Variants in TACO1 observed in about 807,000 individuals in gnomAD.
TACO1 encodes the protein translational activator of cytochrome c oxidase 1.
In TACO1, 13 loss-of-function variants were observed where a neutral mutation model predicts 24.0. The ratio of observed to expected loss-of-function variants is 0.54; its 90% CI spans 0.35 to 0.86. The LOEUF (loss-of-function observed/expected upper bound fraction) is 0.86. Among genes scored for constraint, TACO1 ranks in the 40% least tolerant of loss-of-function variants. TACO1 has a pLI of 0.01. For synonymous variants in TACO1, 149 were observed against 153.5 expected (o/e 0.97, Z 0.22); for missense variants, 352 against 380.1 (o/e 0.93, Z 0.61).
chr17:63,606,226 A>T, intron 2 of TACO1, 87 bp from the exon 3 acceptor site: 1 of 1,530,544 alleles, frequency 6.5e-7, no homozygotes, highest in Non-Finnish European at 9.0e-7. Flanking sequence ...CATCCCATGG[A>T]GTTAGTTTTG....
At chr17:63,606,290 T>C in intron 2 of TACO1, 23 bp from the exon 3 acceptor site, 1 of 1,612,538 alleles carries the variant, frequency 6.2e-7, no homozygotes, top group Non-Finnish European at 8.5e-7. Context: ...AACAGGAAAA[T>C]GTGCTTGTGT....
In TACO1 at chr17:63,607,401, A is replaced by G; in HGVS notation, c.630A>G (p.Ala210=). 6.2e-7 allele frequency: 1 copy of G among 1,614,236 alleles called. No individual in the cohort carries two copies. ...AVNLERALEM[A]IEAGAEDVKE... is the part of the protein sequence containing the mutation. ...ACCTAGAGCGTGCCCTGGAGATGGC[A>G]ATCGAAGCAGGAGCTGAGGATGTCA... The change falls in exon 4 of 5, where the codon GCA becomes GCG. Residue 210 remains alanine (A), a synonymous_variant. Transcript: ENST00000258975.
At chr17:63,603,456 A>G (rs2033836759) in intron 1 of TACO1, among the ~76,000 whole-genome samples, 1 of 152,158 alleles carries the variant, frequency 6.6e-6, no homozygotes, top group Non-Finnish European at 1.5e-5. Context: ...CTGTAACCCC[A>G]GCACTTTGGA....
rs1170257546 is a variant in TACO1, at chr17:63,601,163, C to T, written c.80C>T (p.Ala27Val). ...LLARGPGVRA[A>V]PPRDPRPSHP... ...GCACGAGGCCCCGGGGTCAGGGCGG[C>T]TCCTCCGCGCGACCCCCGGCCCTCC... The change falls in exon 1 of 5, where the codon GCT (alanine) becomes GTT (valine). Residue 27 changes from alanine to valine, a missense_variant. Ala to Val is a moderately conservative substitution (Grantham distance 64). Coordinates refer to ENST00000258975, the MANE Select transcript of TACO1 (RefSeq NM_016360.4). The T allele has an allele frequency of 6.5e-7, 1 of 1,545,432 alleles. No individual in the cohort carries two copies.
At chr17:63,602,616 T>TA (rs2033830689) in intron 1 of TACO1, among the ~76,000 whole-genome samples, 1 of 152,016 alleles carries the variant, frequency 6.6e-6, no homozygotes, top group Admixed American at 6.6e-5. Flanking sequence ...AACCTCCACC[T>TA]CCCAGGCTCA....
chr17:63,606,709 C>G, intron 3 of TACO1: 1 of 459,004 alleles, frequency 2.2e-6, no homozygotes, highest in East Asian at 4.5e-5. Flanking sequence ...CCATGCCCAG[C>G]TAATTTTTGT....
rs16969349 is a variant in TACO1 at position 63,607,197 on chromosome 17, A to G, written c.516-90A>G. The G allele has an allele frequency of 0.019, 22,040 of 1,186,910 alleles. 2,818 individuals carry two copies. The African/African-American group carries it at 0.29, about 15-fold the overall frequency. 73.5% of individuals were successfully genotyped at this position (1,186,910 alleles called of 1,614,324 possible). A position where few individuals can be genotyped will look rare whatever the true frequency, so the allele number is the denominator to read the frequency against. ...TCTGTGTGTACTTCATAGACTGGGT[A>G]AGAAAGAGACAGTGATAGAATGATG... On this transcript the variant is annotated intron_variant, in intron 3 of 4. Coordinates refer to ENST00000258975, the MANE Select transcript of TACO1 (RefSeq NM_016360.4).
At chr17:63,602,862 A>C (rs1383475368) in intron 1 of TACO1, among the ~76,000 whole-genome samples, 1 of 152,136 alleles carries the variant, frequency 6.6e-6, no homozygotes, top group Non-Finnish European at 1.5e-5. Context: ...ATTTTGTGCC[A>C]GGCATGCCAT....
In TACO1 at chr17:63,601,405, T is replaced by A. The variant is rs139059185; in HGVS notation, c.280+42T>A. 7.7e-3 allele frequency: 12,365 copies of A among 1,603,772 alleles called. 54 individuals carry two copies. The highest frequency in any genetic ancestry group is 0.01 in the Admixed American group (624 of 59,582). On this transcript the variant is annotated intron_variant, in intron 1 of 4. Transcript: ENST00000258975. Reference sequence around the variant, plus strand: ...CACCCAGCACTGGCTGCCGCTGCCCTCTCAGTGCCCGCAGCCTCGCTTGCC... The same window carrying A: ...CACCCAGCACTGGCTGCCGCTGCCCACTCAGTGCCCGCAGCCTCGCTTGCC...
At position 63,601,247 on chromosome 17, in the gene TACO1, C is replaced by T; in HGVS notation, c.164C>T (p.Ala55Val). 1 of 1,608,776 alleles carries T rather than the reference C, an allele frequency of 6.2e-7. No individual in the cohort carries two copies. Among genetic ancestry groups the T allele is most frequent in the Non-Finnish European group, 8.5e-7 (1 of 1,178,176 alleles). Residue 55 changes from alanine to valine, a missense_variant, in exon 1 of 5, where the codon GCT (alanine) becomes GTT (valine). Transcript: ENST00000258975. The stretch of plus-strand genomic sequence containing the variant: ...GGCAGGACGCTGCACTTTACCGCGG[C>T]TGTCCCCGCCGGGCACAACAAGTGG... ...APGRTLHFTA[A>V]VPAGHNKWSK... is the part of the protein sequence containing the mutation.
chr17:63,602,262 CA>C lies in TACO1; in HGVS notation c.280+918del, dbSNP rs897099348. 9.2e-3 allele frequency among the ~76,000 whole-genome samples: 556 copies of C among 60,408 alleles called. 1 individual carries two copies. The highest frequency in any genetic ancestry group is 0.027 in the African/African-American group (433 of 16,198). 39.6% of individuals were successfully genotyped at this position (60,408 alleles called of 152,430 possible). On this transcript the variant is annotated intron_variant, in intron 1 of 4. Transcript: ENST00000258975. ...TGGGTGACAGAGCAAGACTCCATCT[CA>C]AAAAAAAAAAAAAAAAAAGAGAGAG...
chr17:63,604,445 C>T, intron 1 of TACO1, 89 bp from the exon 2 acceptor site: 1 of 1,141,962 alleles, frequency 8.8e-7, no homozygotes, highest in Non-Finnish European at 1.3e-6. Context: ...ACTCCTTTGG[C>T]TTGGTGGGGC....
In TACO1 at chr17:63,608,261, A is replaced by T. The variant is rs1301032028; in HGVS notation, c.*259A>T. On this transcript the variant is annotated 3_prime_UTR_variant, in exon 5 of 5. Coordinates refer to ENST00000258975, the MANE Select transcript of TACO1 (RefSeq NM_016360.4). ...GCAGGGCAGGACCACCCAGCTGGTC[A>T]GACTCTGATGTTGGGTAGCTGGCCT... The T allele has an allele frequency of 1.9e-6, 1 of 535,036 alleles. No homozygotes were observed. The highest frequency in any genetic ancestry group is 3.4e-6 in the Non-Finnish European group (1 of 295,560). The allele number at this position is 535,036 out of a possible 1,614,324, so 33.1% of individuals were successfully genotyped here.
At chr17:63,601,401 G>A in intron 1 of TACO1, 38 bp downstream of exon 1, 1 of 1,605,734 alleles carries the variant, frequency 6.2e-7, no homozygotes, top group Non-Finnish European at 8.5e-7. Context: ...GGCTGCCGCT[G>A]CCCTCTCAGT....
chr17:63,607,490 G>A (rs772898784), intron 4 of TACO1, 26 bp downstream of exon 4: 2 of 1,613,818 alleles, frequency 1.2e-6, no homozygotes, highest in Non-Finnish European at 1.7e-6. Context: ...TGGGTGTTTG[G>A]TGGGCTTCCG....
intron 1 of TACO1, among the ~76,000 whole-genome samples, chr17:63,602,996 G>A (rs2033833306): frequency 6.6e-6 from 1 of 151,994 alleles, no homozygotes; most frequent in African/African-American, 2.4e-5. Flanking sequence ...AACACTTTGG[G>A]AGGCTGAGGC....
chr17:63,604,626 G>A lies in TACO1; in HGVS notation c.373G>A (p.Ala125Thr), dbSNP rs1353354468. The A allele has an allele frequency of 6.2e-7, 1 of 1,614,044 alleles. No individual in the cohort carries two copies. The highest frequency in any genetic ancestry group is 8.5e-7 in the Non-Finnish European group (1 of 1,179,918). Residue 125 changes from alanine (A) to threonine (T), a missense_variant, in exon 2 of 5, where the codon GCA (alanine) becomes ACA (threonine). Ala to Thr is a moderately conservative substitution (Grantham distance 58, BLOSUM62 0). Coordinates refer to ENST00000258975, the MANE Select transcript of TACO1 (RefSeq NM_016360.4). ...TATGCCCAAGTCAACGATTGAGACA[G>A]CACTGAAAATGGAGGTGTGTACTGT... Reference protein sequence around the residue: ...KHMPKSTIETALKMEKSKDTY... With the variant: ...KHMPKSTIETTLKMEKSKDTY...
rs745512259 is a variant in TACO1, at chr17:63,601,336, T to A, written c.253T>A (p.Cys85Ser). Residue 85 changes from cysteine (C) to serine (S), a missense_variant, in exon 1 of 5, where the codon TGT becomes AGT. Cys to Ser is a moderately radical substitution (Grantham distance 112). Transcript: ENST00000258975. ...AAGGAGTCGCATCTTCTCCAAACTCTGTTTGAACATCCGCCTGGCAGTGAA... is the reference window on the plus strand; with the variant it reads ...AAGGAGTCGCATCTTCTCCAAACTCAGTTTGAACATCCGCCTGGCAGTGAA... ...VERSRIFSKL[C>S]LNIRLAVKEG... 21 of 1,613,076 alleles carry A rather than the reference T, an allele frequency of 1.3e-5. No individual in the cohort carries two copies. The highest frequency in any genetic ancestry group is 1.8e-5 in the Non-Finnish European group (21 of 1,179,984).
At chr17:63,603,905 G>C (rs1271400648) in intron 1 of TACO1, among the ~76,000 whole-genome samples, 1 of 151,554 alleles carries the variant, frequency 6.6e-6, no homozygotes, top group African/African-American at 2.4e-5. Context: ...AGTGGTCCCA[G>C]CTACTTGGGA....
Sources: gnomAD v4.1 joint callset for allele counts (sites outside exome capture counted in the v4.1 genomes callset) on GRCh38, gnomAD v4.1.1 for gene constraint, MANE v1.5 for transcripts, NCBI Gene and HGNC (gene_info 2026-07-23, HGNC 2026-07-21) for gene names.